Variants in CIMAP1A observed in about 807,000 individuals in gnomAD.
CIMAP1A encodes the protein ciliary microtubule associated protein 1A, also known as cancer/testis antigen 135.
chr11:197,079 G>A, the CIMAP1A span: 1 of 429,228 alleles, frequency 2.3e-6, no homozygotes, highest in Non-Finnish European at 4.2e-6. Flanking sequence ...CAGCAACTCT[G>A]GGTTACAGTT....
the CIMAP1A span, chr11:197,273 G>GTCC: frequency 1.4e-5 from 21 of 1,493,306 alleles, no homozygotes; most frequent in Non-Finnish European, 1.8e-5. Context: ...CCCAGCACCT[G>GTCC]GTAACCCTCT....
At chr11:197,750 C>T in the CIMAP1A span, 5 of 1,613,494 alleles carry the variant, frequency 3.1e-6, no homozygotes, top group African/African-American at 2.7e-5. Context: ...ACCATGCTGA[C>T]TCCTGGTCCA....
At chr11:199,373 C>G in the CIMAP1A span, 42 of 1,570,588 alleles carry the variant, frequency 2.7e-5, no homozygotes, top group Non-Finnish European at 3.6e-5. Flanking sequence ...TCTCAGACCC[C>G]AGGTCCCGCA....
chr11:197,873 G>GC, the CIMAP1A span: 3 of 1,488,656 alleles, frequency 2.0e-6, no homozygotes, highest in Non-Finnish European at 2.7e-6. Flanking sequence ...AGCCATCCTG[G>GC]CCCCTCCCGT....
chr11:198,356 G>A, the CIMAP1A span: 3 of 1,613,458 alleles, frequency 1.9e-6, no homozygotes, highest in Non-Finnish European at 2.5e-6. Flanking sequence ...CCTGGGTGGG[G>A]TGTGTGACAT....
chr11:198,582 C>G, the CIMAP1A span: 66 of 1,607,126 alleles, frequency 4.1e-5, no homozygotes, highest in Middle Eastern at 1.6e-4. Flanking sequence ...ACGACCTACA[C>G]AAGGCAAGGG....
the CIMAP1A span, chr11:200,014 T>C: frequency 2.5e-6 from 4 of 1,614,052 alleles, no homozygotes; most frequent in Non-Finnish European, 3.4e-6. Flanking sequence ...ATGACTCCCC[T>C]GCTGGTTGAT....
the CIMAP1A span, chr11:198,053 G>A: frequency 6.5e-7 from 1 of 1,542,836 alleles, no homozygotes; most frequent in Non-Finnish European, 8.7e-7. Flanking sequence ...TTTCCATCCT[G>A]GACACCCCCT....
the CIMAP1A span, chr11:200,054 A>G: frequency 6.2e-7 from 1 of 1,610,464 alleles, no homozygotes; most frequent in Non-Finnish European, 8.5e-7. Context: ...GCTGTGCCCC[A>G]TCACACCCGG....
the CIMAP1A span, chr11:197,361 C>T: frequency 6.3e-7 from 1 of 1,598,292 alleles, no homozygotes; most frequent in South Asian, 1.1e-5. Flanking sequence ...GGGGACCCAT[C>T]ATGGCCCTCT....
At chr11:198,700 G>A in the CIMAP1A span, 1 of 1,502,012 alleles carries the variant, frequency 6.7e-7, no homozygotes, top group Non-Finnish European at 8.9e-7. Flanking sequence ...AGCCCCCTCA[G>A]CCCTTCACCC....
chr11:198,002 G>C, the CIMAP1A span: 7 of 1,536,548 alleles, frequency 4.6e-6, no homozygotes, highest in Non-Finnish European at 6.1e-6. Flanking sequence ...CACTCTCCCT[G>C]CTCAAAAATA....
chr11:199,249 G>A, the CIMAP1A span: 1 of 1,488,022 alleles, frequency 6.7e-7, no homozygotes, highest in South Asian at 1.3e-5. Flanking sequence ...AGGGGACCTT[G>A]ATGCACGGGC....
chr11:197,561 G>C, the CIMAP1A span: 1 of 1,613,062 alleles, frequency 6.2e-7, no homozygotes, highest in Non-Finnish European at 8.5e-7. Flanking sequence ...GCGTCCACAG[G>C]CTTCATGAAG....
At chr11:197,802 A>C in the CIMAP1A span, 2 of 1,596,082 alleles carry the variant, frequency 1.3e-6, no homozygotes, top group Non-Finnish European at 1.7e-6. Flanking sequence ...GCGCAGCCTC[A>C]GGCCTGCCCC....
chr11:197,553 GT>G, the CIMAP1A span: 3 of 1,612,612 alleles, frequency 1.9e-6, no homozygotes, highest in South Asian at 3.3e-5. Flanking sequence ...GGCCCATTGC[GT>G]CCACAGGCTT....
the CIMAP1A span, chr11:198,288 G>A: frequency 6.2e-7 from 1 of 1,614,004 alleles, no homozygotes; most frequent in Non-Finnish European, 8.5e-7. Flanking sequence ...ATTCCGAGTG[G>A]ACAGCACCCC....
chr11:196,990 T>C, the CIMAP1A span: 1 of 202,920 alleles, frequency 4.9e-6, no homozygotes, highest in Non-Finnish European at 9.9e-6. Context: ...TTCCCCATCT[T>C]TGACCACTCC....
the CIMAP1A span, chr11:198,670 C>T: frequency 2.6e-6 from 4 of 1,530,430 alleles, no homozygotes; most frequent in Non-Finnish European, 2.6e-6. Flanking sequence ...CAGTTCGGCC[C>T]TGCCTTGCCA....
Sources: gnomAD v4.1 joint callset for allele counts on GRCh38, gnomAD v4.1.1 for gene constraint, MANE v1.5 for transcripts, NCBI Gene and HGNC (gene_info 2026-07-23, HGNC 2026-07-21) for gene names.